Variants in PYHIN1 observed in about 807,000 individuals in gnomAD.
The protein encoded by PYHIN1 is pyrin and HIN domain family member 1, also known as pyrin and HIN domain-containing protein 1.
A neutral mutation model predicts 43.7 loss-of-function variants in PYHIN1; 32 were observed. The ratio of observed to expected loss-of-function variants is 0.73; its 90% CI spans 0.55 to 0.98. The LOEUF (loss-of-function observed/expected upper bound fraction) is 0.98, where lower values mean the gene tolerates loss of function less well. Among genes scored for constraint, PYHIN1 ranks in the 50% least tolerant of loss-of-function variants. The pLI is 0.00. For missense variants in PYHIN1, 588 were observed against 589.5 expected (o/e 1.00, Z 0.03); for synonymous variants, 205 against 203.1 (o/e 1.01, Z -0.08).
At chr1:158,963,790 A>C (rs1260566614) in intron 7 of PYHIN1, among the ~76,000 whole-genome samples, 1 of 152,214 alleles carries the variant, frequency 6.6e-6, no homozygotes, top group Non-Finnish European at 1.5e-5. Flanking sequence ...ACTCAAAAGA[A>C]ACAGTGCAAG....
At chr1:158,972,680 A>G (rs540496679) in intron 7 of PYHIN1, among the ~76,000 whole-genome samples, 2 of 152,174 alleles carry the variant, frequency 1.3e-5, no homozygotes, top group African/African-American at 4.8e-5. Flanking sequence ...TGTTTCATAC[A>G]TGGTACTCCC....
downstream of PYHIN1, among the ~76,000 whole-genome samples, chr1:158,978,560 A>G (rs539885661): frequency 6.6e-6 from 1 of 152,264 alleles, no homozygotes; most frequent in South Asian, 2.1e-4. Flanking sequence ...ATTCTGAGCT[A>G]CTCAAATACA....
chr1:158,942,436 A>G (rs745592219), intron 5 of PYHIN1, 37 bp downstream of exon 5: 12 of 1,486,560 alleles, frequency 8.1e-6, no homozygotes, highest in African/African-American at 1.4e-5. Context: ...ATTTTCTACA[A>G]TAACACTTGA....
Position 158,933,225 on chromosome 1 carries a change from T to C in PYHIN1, c.-21+1449T>C, listed in dbSNP as rs1371139031. 1.3e-5 allele frequency among the ~76,000 whole-genome samples: 2 copies of C among 151,678 alleles called. No homozygotes were observed. The highest frequency in any genetic ancestry group is 2.4e-5 in the African/African-American group (1 of 41,372). On this transcript the variant is annotated intron_variant, in intron 1 of 8. Transcript: ENST00000368140. This position sits in a 1 kb window ranked among gnomAD's most constrained non-coding sequence, Gnocchi z 6.3. Reference sequence around the variant, plus strand: ...GCATACATGTTTCCAAACATAAACATACACATATAAATATATATATTTGTG... The same window carrying C: ...GCATACATGTTTCCAAACATAAACACACACATATAAATATATATATTTGTG...
intron 7 of PYHIN1, among the ~76,000 whole-genome samples, chr1:158,960,416 G>A (rs1326311930): frequency 6.6e-6 from 1 of 152,224 alleles, no homozygotes; most frequent in African/African-American, 2.4e-5. Flanking sequence ...TGCTAAAGCT[G>A]TACAGATTAT....
At chr1:158,984,920 C>T in the PYHIN1 span, among the ~76,000 whole-genome samples, 1 of 151,262 alleles carries the variant, frequency 6.6e-6, no homozygotes, top group Non-Finnish European at 1.5e-5. Context: ...TCTTCATCCT[C>T]TTTGATAGCT....
At chr1:158,949,651 C>T (rs905791887) in intron 7 of PYHIN1, among the ~76,000 whole-genome samples, 8 of 150,810 alleles carry the variant, frequency 5.3e-5, no homozygotes, top group Admixed American at 6.7e-5. Flanking sequence ...TTTGTTCTTG[C>T]GATAGTTTAC....
intron 8 of PYHIN1, among the ~76,000 whole-genome samples, chr1:158,975,384 C>G (rs767611842): frequency 6.6e-6 from 1 of 152,094 alleles, no homozygotes; most frequent in African/African-American, 2.4e-5. Context: ...GGAGATATTA[C>G]TGGCTCAGAA....
downstream of PYHIN1, among the ~76,000 whole-genome samples, chr1:158,980,292 A>G (rs756253229): frequency 1.3e-5 from 2 of 152,148 alleles, no homozygotes; most frequent in Non-Finnish European, 2.9e-5. Flanking sequence ...TGATTGTAAA[A>G]CATGTGAGTT....
chr1:158,965,967 T>A (rs1650608759), intron 7 of PYHIN1, among the ~76,000 whole-genome samples: 1 of 149,670 alleles, frequency 6.7e-6, no homozygotes, highest in South Asian at 2.1e-4. Context: ...GTTGAAAAAA[T>A]TAATAAGAAA....
downstream of PYHIN1, among the ~76,000 whole-genome samples, chr1:158,981,894 A>G (rs945486518): frequency 1.3e-5 from 2 of 152,152 alleles, no homozygotes; most frequent in African/African-American, 4.8e-5. Context: ...TCTAATGATT[A>G]GTGATATTGA....
At chr1:158,955,280 C>A (rs375677084) in intron 7 of PYHIN1, among the ~76,000 whole-genome samples, 16,751 of 151,812 alleles carry the variant, frequency 0.11, 1,012 homozygotes, top group Non-Finnish European at 0.12. Flanking sequence ...ACTCTCCACC[C>A]CAAATCAACA....
At chr1:158,958,117 A>C (rs1202206891) in intron 7 of PYHIN1, among the ~76,000 whole-genome samples, 1 of 151,530 alleles carries the variant, frequency 6.6e-6, no homozygotes, top group Non-Finnish European at 1.5e-5. Context: ...CAGGTGCTGG[A>C]GAGGATGTGG....
the PYHIN1 span, among the ~76,000 whole-genome samples, chr1:158,982,248 C>G: frequency 6.6e-6 from 1 of 152,124 alleles, no homozygotes; most frequent in African/African-American, 2.4e-5. Context: ...TAGATTTCTT[C>G]TAGGGCATTT....
chr1:158,980,119 G>A (rs1205758123), downstream of PYHIN1, among the ~76,000 whole-genome samples: 1 of 152,182 alleles, frequency 6.6e-6, no homozygotes, highest in African/African-American at 2.4e-5. Context: ...CACAGCAGAG[G>A]AACATAAATT....
intron 7 of PYHIN1, among the ~76,000 whole-genome samples, chr1:158,946,169 C>T (rs1289872539): frequency 6.6e-6 from 1 of 152,014 alleles, no homozygotes; most frequent in Admixed American, 6.6e-5. Context: ...AATGAGGTAC[C>T]CAGAATGAAC....
intron 7 of PYHIN1, among the ~76,000 whole-genome samples, chr1:158,954,969 A>C (rs942261447): frequency 6.7e-5 from 10 of 149,042 alleles, no homozygotes; most frequent in Non-Finnish European, 1.0e-4. Flanking sequence ...CTGATAAAAC[A>C]GACTTTAAAC....
rs1452889188 is a variant in PYHIN1, at chr1:158,933,724, C to A, written c.-21+1948C>A. ...TTTTAAAACTTATATTTCCATCTCA[C>A]CCTTTAAGACAATTACATTAGTAAA... On this transcript the variant is annotated intron_variant, in intron 1 of 8. Coordinates refer to ENST00000368140, the MANE Select transcript of PYHIN1 (RefSeq NM_152501.5). The surrounding 1 kb of genome is among the most constrained non-coding windows in gnomAD (Gnocchi z 6.3). Among the ~76,000 whole-genome samples, 3 of 152,064 alleles carry A rather than the reference C, an allele frequency of 2.0e-5. No individual in the cohort carries two copies. The highest frequency in any genetic ancestry group is 4.4e-5 in the Non-Finnish European group (3 of 67,974).
intron 7 of PYHIN1, among the ~76,000 whole-genome samples, chr1:158,955,343 T>C (rs542997470): frequency 6.6e-6 from 1 of 150,564 alleles, no homozygotes; most frequent in African/African-American, 2.4e-5. Flanking sequence ...ATTGACCACA[T>C]ACTTGGAAGT....
Sources: allele counts gnomAD v4.1 joint callset (sites outside exome capture counted in the v4.1 genomes callset), GRCh38; gene constraint gnomAD v4.1.1; non-coding constraint Gnocchi (gnomAD v3.1); transcripts MANE v1.5; gene names NCBI Gene and HGNC (gene_info 2026-07-23, HGNC 2026-07-21).